ZDHHC14: variants seen among roughly 807,000 people sequenced by gnomAD.
The protein encoded by ZDHHC14 is zDHHC palmitoyltransferase 14.
ZDHHC14 carries 16 observed loss-of-function variants against 47.7 expected under a neutral mutation model. The ratio of observed to expected loss-of-function variants is 0.34; its 90% CI spans 0.23 to 0.51. The LOEUF (loss-of-function observed/expected upper bound fraction) is 0.51. Ranked by LOEUF, ZDHHC14 falls within the 20% of genes least tolerant of loss-of-function variation. ZDHHC14 has a pLI of 0.97. For synonymous variants in ZDHHC14, 293 were observed against 278.9 expected (o/e 1.05, Z -0.50); for missense variants, 515 against 662.5 (o/e 0.78, Z 2.44).
chr6:157,652,223 T>G (rs1270940511), intron 7 of ZDHHC14, among the ~76,000 whole-genome samples: 2 of 152,170 alleles, frequency 1.3e-5, no homozygotes, highest in Non-Finnish European at 2.9e-5. Context: ...TTTTTCTGGC[T>G]TATTGTTCTG....
chr6:157,538,904 G>C (rs1374381028), intron 1 of ZDHHC14, among the ~76,000 whole-genome samples: 3 of 152,298 alleles, frequency 2.0e-5, no homozygotes, highest in Non-Finnish European at 4.4e-5. Context: ...CCAAATGTTA[G>C]GTGTGGCCAT....
chr6:157,524,960 A>T (rs1781104600), intron 1 of ZDHHC14, among the ~76,000 whole-genome samples: 1 of 152,230 alleles, frequency 6.6e-6, no homozygotes, highest in South Asian at 2.1e-4. Flanking sequence ...ATTATCTCAC[A>T]GTTTCTTGGA....
intron 4 of ZDHHC14, 142 bp downstream of exon 4, chr6:157,628,628 C>T: frequency 1.7e-6 from 2 of 1,147,130 alleles, no homozygotes; most frequent in Non-Finnish European, 2.5e-6. Flanking sequence ...CACTTCCAGC[C>T]TGCCTCGCTT....
chr6:157,589,501 T>C (rs1783825118), intron 2 of ZDHHC14, among the ~76,000 whole-genome samples: 1 of 152,122 alleles, frequency 6.6e-6, no homozygotes, highest in Non-Finnish European at 1.5e-5. Flanking sequence ...GGTAATTGAA[T>C]CATGGGGGTG....
At chr6:157,464,078 T>C (rs1401100146) in intron 1 of ZDHHC14, among the ~76,000 whole-genome samples, 7 of 152,164 alleles carry the variant, frequency 4.6e-5, no homozygotes, top group Admixed American at 4.6e-4. Flanking sequence ...CTTTTAAAAG[T>C]TGTAGTAAGC....
chr6:157,636,060 G>GCTGAC (rs1426016701), intron 5 of ZDHHC14, among the ~76,000 whole-genome samples: 2 of 152,074 alleles, frequency 1.3e-5, no homozygotes, highest in Non-Finnish European at 2.9e-5. Flanking sequence ...GCCACAGCCT[G>GCTGAC]CTGACCGCAT....
At chr6:157,499,678 C>T (rs1462437814) in intron 1 of ZDHHC14, among the ~76,000 whole-genome samples, 6 of 152,202 alleles carry the variant, frequency 3.9e-5, no homozygotes, top group African/African-American at 1.4e-4. Context: ...AGCAACATGA[C>T]GATGGTGTTC....
intron 1 of ZDHHC14, among the ~76,000 whole-genome samples, chr6:157,430,131 A>G (rs963316591): frequency 2.0e-5 from 3 of 152,272 alleles, no homozygotes; most frequent in Middle Eastern, 6.8e-3. Context: ...CCTGGCCAAC[A>G]TGGTGAAACC....
intron 1 of ZDHHC14, among the ~76,000 whole-genome samples, chr6:157,457,836 G>C (rs1319347243): frequency 1.3e-5 from 2 of 152,328 alleles, no homozygotes; most frequent in East Asian, 3.9e-4. Context: ...AGCATTGAGA[G>C]ACGGTCCCCT....
intron 7 of ZDHHC14, among the ~76,000 whole-genome samples, chr6:157,651,862 G>A (rs1000469192): frequency 1.3e-5 from 2 of 152,130 alleles, no homozygotes; most frequent in African/African-American, 4.8e-5. Context: ...GTGAGCCACT[G>A]CGCCCGGTCC....
chr6:157,382,083 G>A lies in ZDHHC14; in HGVS notation c.62G>A (p.Ser21Asn), dbSNP rs780094207. 6.2e-7 allele frequency: 1 copy of A among 1,609,014 alleles called. No homozygotes were observed. The highest frequency in any genetic ancestry group is 1.3e-5 in the African/African-American group (1 of 74,894). The change falls in exon 1 of 9, where the codon AGC becomes AAC. Residue 21 changes from serine to asparagine, a missense_variant. Physicochemically the swap from Ser to Asn is conservative, Grantham distance 46. Around this residue, in one of 4 missense-constraint regions of ZDHHC14, gnomAD observed 59 missense variants for 57.7 expected, o/e 1.02. Coordinates refer to ENST00000359775, the MANE Select transcript of ZDHHC14 (RefSeq NM_024630.3). ...GAGTACAGCCAGATCAGCACCCACA[G>A]CTCCTCCCCCATGGAGTCGCCCCAC... ...DCEYSQISTH[S>N]SSPMESPHKK...
At chr6:157,544,519 C>T (rs181452125) in intron 2 of ZDHHC14, among the ~76,000 whole-genome samples, 4 of 151,958 alleles carry the variant, frequency 2.6e-5, no homozygotes, top group African/African-American at 9.7e-5. Context: ...TGTGGTGGTG[C>T]GAGCCTGTAG....
chr6:157,479,535 C>T (rs998840345), intron 1 of ZDHHC14, among the ~76,000 whole-genome samples: 1 of 152,180 alleles, frequency 6.6e-6, no homozygotes, highest in African/African-American at 2.4e-5. Flanking sequence ...TTCTGAAGTG[C>T]CCTTGCAGGC....
chr6:157,454,037 T>C (rs1778861101), intron 1 of ZDHHC14, among the ~76,000 whole-genome samples: 1 of 152,192 alleles, frequency 6.6e-6, no homozygotes, highest in South Asian at 2.1e-4. Context: ...TCATAGACAA[T>C]ATGGATGTTT....
chr6:157,655,559 G>A (rs1048615090), intron 8 of ZDHHC14, among the ~76,000 whole-genome samples: 32 of 152,188 alleles, frequency 2.1e-4, no homozygotes, highest in African/African-American at 7.7e-4. Context: ...CGCAGCATAC[G>A]TTGATCGTTT....
chr6:157,490,669 C>T (rs1390771019), intron 1 of ZDHHC14, among the ~76,000 whole-genome samples: 1 of 152,094 alleles, frequency 6.6e-6, no homozygotes, highest in African/African-American at 2.4e-5. Context: ...TTGACTTGAA[C>T]TTTGAAGGAA....
In ZDHHC14 at chr6:157,602,690, G is replaced by T. The variant is rs545928666; in HGVS notation, c.565+9544G>T. The stretch of plus-strand genomic sequence containing the variant: ...CAGGCAGGGCATCCAGCCTGGCGGG[G>T]TGTGTGAAAGTGTCAGGAAGGCCGG... On this transcript the variant is annotated intron_variant, in intron 3 of 8. Transcript: ENST00000359775. 2.6e-5 allele frequency among the ~76,000 whole-genome samples: 4 copies of T among 152,212 alleles called. No homozygotes were observed. In the East Asian group the frequency reaches 5.8e-4, roughly 22 times the overall value.
Position 157,581,822 on chromosome 6 carries a change from G to A in ZDHHC14, c.407-11166G>A, listed in dbSNP as rs558432198. On this transcript the variant is annotated intron_variant, in intron 2 of 8. Transcript: ENST00000359775. ...TGAGCCTATGGGTGTCACTGCATGCGAGATGGGTCCCTTGAAGACAGCATA... is the reference window on the plus strand; with the variant it reads ...TGAGCCTATGGGTGTCACTGCATGCAAGATGGGTCCCTTGAAGACAGCATA... Among the ~76,000 whole-genome samples, 22 of 152,042 alleles carry A rather than the reference G, an allele frequency of 1.4e-4. 1 individual carries two copies. The highest frequency in any genetic ancestry group is 4.1e-4 in the African/African-American group (17 of 41,472).
chr6:157,447,124 G>A (rs9457482), intron 1 of ZDHHC14, among the ~76,000 whole-genome samples: 109,170 of 151,002 alleles, frequency 0.72, 39,448 homozygotes, highest in Admixed American at 0.76. Flanking sequence ...TATCAAAAAA[G>A]AAAGAAAGAA....
Sources: allele counts gnomAD v4.1 joint callset (sites outside exome capture counted in the v4.1 genomes callset), GRCh38; gene constraint gnomAD v4.1.1; regional missense constraint gnomAD v4.1.1; transcripts MANE v1.5; gene names NCBI Gene and HGNC (gene_info 2026-07-23, HGNC 2026-07-21).